The following XDH variants were observed in gnomAD, a reference collection of about 807,000 sequenced individuals.
XDH encodes the protein xanthine dehydrogenase, also known as xanthine dehydrogenase/oxidase.
In XDH, 138 loss-of-function variants were observed where a neutral mutation model predicts 156.1. The observed-to-expected ratio is 0.88, with a 90% CI of 0.77 to 1.02. XDH has a LOEUF of 1.02. XDH is among the 50% of genes least tolerant of loss of function. The pLI is 0.00. For synonymous variants in XDH, 669 were observed against 625.7 expected, an observed-to-expected ratio of 1.07 and a Z score of -1.03; for missense variants, 1,849 against 1,684.9, an observed-to-expected ratio of 1.10 and a Z score of -1.71.
chr2:31,354,382 C>A (rs75526523), intron 24 of XDH, among the ~76,000 whole-genome samples: 2,034 of 152,186 alleles, frequency 0.013, 49 homozygotes, highest in African/African-American at 0.047. Context: ...CTTGTCATAC[C>A]AAGTGATAGG....
intron 16 of XDH, among the ~76,000 whole-genome samples, chr2:31,373,533 GT>G (rs1377163344): frequency 2.2e-3 from 16 of 7,284 alleles, no homozygotes; most frequent in Admixed American, 0.02. Context: ...CAGATAGATG[GT>G]TTGTTTGTTT....
chr2:31,346,674 T>G, intron 30 of XDH, 95 bp downstream of exon 30: 1 of 1,427,452 alleles, frequency 7.0e-7, no homozygotes, highest in Non-Finnish European at 9.9e-7. Context: ...CTGACTAAAA[T>G]ATTGTCTCCT....
intron 35 of XDH, 94 bp downstream of exon 35, chr2:31,337,547 C>T (rs1412532225): frequency 6.3e-7 from 1 of 1,581,624 alleles, no homozygotes; most frequent in Non-Finnish European, 8.7e-7. Context: ...AGGAGAGAGC[C>T]CAACACCTCT....
rs183080554 is a variant in XDH at position 31,342,610 on chromosome 2, C to T, written c.3405-313G>A. 1.8e-4 allele frequency among the ~76,000 whole-genome samples: 27 copies of T among 152,252 alleles called. No homozygotes were observed. In the South Asian group the frequency reaches 4.8e-3, roughly 27 times the overall value. ...GAGGTAACAGATCCATCTGGGCTCA[C>T]GAAGGACATGAAAGTCACACTCCAA... On this transcript the variant is annotated intron_variant, in intron 31 of 35. Transcript: ENST00000379416.
At position 31,348,199 on chromosome 2, in the gene XDH, C is replaced by G; in HGVS notation, c.3147+69G>C. 2.0e-6 allele frequency: 3 copies of G among 1,505,104 alleles called. No homozygotes were observed. In the Admixed American group the frequency reaches 5.2e-5, roughly 26 times the overall value. 93.2% of individuals were successfully genotyped at this position (1,505,104 alleles called of 1,614,324 possible). ...CGGGCCTGCTTCTGCTCTGATAGGT[C>G]CCACTGCTCAATTTCTTATACCACT... On this transcript the variant is annotated intron_variant, in intron 28 of 35. Transcript: ENST00000379416.
chr2:31,337,392 G>T (rs1188693496), intron 35 of XDH, among the ~76,000 whole-genome samples: 1 of 152,158 alleles, frequency 6.6e-6, no homozygotes, highest in Non-Finnish European at 1.5e-5. Flanking sequence ...TTATGACTGT[G>T]CACCACACAT....
chr2:31,385,360 A>T (rs955122362), intron 9 of XDH, among the ~76,000 whole-genome samples: 1 of 152,104 alleles, frequency 6.6e-6, no homozygotes. Flanking sequence ...ACAAAACCAC[A>T]GTTGGGGACT....
chr2:31,398,796 G>A (rs1434066732), intron 4 of XDH, 97 bp from the exon 5 acceptor site: 1 of 1,583,292 alleles, frequency 6.3e-7, no homozygotes, highest in African/African-American at 1.3e-5. Flanking sequence ...AGAGATAGTG[G>A]GGGTAGTAAT....
At chr2:31,396,042 C>T (rs796190430) in intron 6 of XDH, among the ~76,000 whole-genome samples, 31 of 152,288 alleles carry the variant, frequency 2.0e-4, no homozygotes, top group African/African-American at 7.2e-4. Context: ...AAGCTAGTAA[C>T]CGAGTTTGTT....
At chr2:31,343,614 C>A (rs12615273) in intron 31 of XDH, among the ~76,000 whole-genome samples, 1 of 120,406 alleles carries the variant, frequency 8.3e-6, no homozygotes, top group East Asian at 2.3e-4. Flanking sequence ...TATGTATGTT[C>A]ATATATATGG....
intron 3 of XDH, 142 bp from the exon 4 acceptor site, chr2:31,401,470 G>T: frequency 1.1e-6 from 1 of 892,398 alleles, no homozygotes; most frequent in Non-Finnish European, 1.8e-6. Context: ...TTCTACCAGT[G>T]TCCTCACCTC....
chr2:31,348,975 T>C lies in XDH; in HGVS notation c.2975A>G (p.Asn992Ser), dbSNP rs1444155028. The change falls in exon 27 of 36, where the codon AAT (asparagine) becomes AGT (serine). Residue 992 changes from asparagine (N) to serine (S), a missense_variant. Transcript: ENST00000379416. Reference protein sequence around the residue: ...KSEVDKFNKENCWKKRGLCII... With the variant: ...KSEVDKFNKESCWKKRGLCII... ...GCACAATCCTCTCTTTTTCCAACAA[T>C]TCTCCCTAGAGAAAAAGGAATATTC... is the stretch of plus-strand genomic sequence containing the variant. The C allele has an allele frequency of 6.2e-7, 1 of 1,613,294 alleles. No individual in the cohort carries two copies. Among genetic ancestry groups the C allele is most frequent in the Non-Finnish European group, 8.5e-7 (1 of 1,179,210 alleles).
At chr2:31,382,380 T>A (rs1436753816) in intron 11 of XDH, among the ~76,000 whole-genome samples, 2 of 152,128 alleles carry the variant, frequency 1.3e-5, no homozygotes, top group East Asian at 1.9e-4. Context: ...TAGGCTGTTT[T>A]GTTTTAATTT....
intron 8 of XDH, among the ~76,000 whole-genome samples, chr2:31,386,943 A>AGAGG (rs1303029299): frequency 1.1e-5 from 1 of 94,616 alleles, no homozygotes; most frequent in Admixed American, 1.3e-4. Context: ...AGGGAGGGAG[A>AGAGG]GAGGGAGGGA....
intron 1 of XDH, among the ~76,000 whole-genome samples, chr2:31,409,151 G>A (rs1188178747): frequency 6.6e-6 from 1 of 152,152 alleles, no homozygotes; most frequent in East Asian, 1.9e-4. Context: ...AAGGGTAGTA[G>A]GGGGTAAGAG....
chr2:31,349,778 C>T lies in XDH; in HGVS notation c.2877G>A (p.Lys959=), dbSNP rs151059034. The part of the protein sequence containing the change: ...KEGDLTHFNQ[K]LEGFTLPRCW... ...ATCTGGGCAAGGTGAAACCCTCAAG[C>T]TTCTGGTTGAAGTGTGTCAGGTCCC... Residue 959 remains lysine, a synonymous_variant, in exon 26 of 36, where the codon AAG becomes AAA. Coordinates refer to ENST00000379416, the MANE Select transcript of XDH (RefSeq NM_000379.4). The T allele has an allele frequency of 1.2e-6, 2 of 1,614,050 alleles. No individual in the cohort carries two copies. Among genetic ancestry groups the T allele is most frequent in the African/African-American group, 1.3e-5 (1 of 74,920 alleles).
At chr2:31,391,355 T>C (rs1018420779) in intron 6 of XDH, among the ~76,000 whole-genome samples, 2 of 152,196 alleles carry the variant, frequency 1.3e-5, no homozygotes, top group African/African-American at 4.8e-5. Context: ...TCCATTCTTT[T>C]TGTAGTATGG....
chr2:31,413,298 G>A (rs1687391365), intron 1 of XDH, among the ~76,000 whole-genome samples: 1 of 152,196 alleles, frequency 6.6e-6, no homozygotes. Context: ...TGTAATTGCT[G>A]AAGGAAAGAA....
At chr2:31,404,956 C>T (rs1352876750) in intron 2 of XDH, among the ~76,000 whole-genome samples, 3 of 152,194 alleles carry the variant, frequency 2.0e-5, no homozygotes, top group African/African-American at 7.2e-5. Context: ...CCACTAGACA[C>T]CCCCGCTAGG....
Sources: gnomAD v4.1 joint callset for allele counts (sites outside exome capture counted in the v4.1 genomes callset) on GRCh38, gnomAD v4.1.1 for gene constraint, MANE v1.5 for transcripts, NCBI Gene and HGNC (gene_info 2026-07-23, HGNC 2026-07-21) for gene names.